The following ESCO2 variants were observed in gnomAD, a reference collection of about 807,000 sequenced individuals.
ESCO2 encodes N-acetyltransferase ESCO2.
A neutral mutation model predicts 61.7 loss-of-function variants in ESCO2; 51 were observed. That is an observed-to-expected ratio of 0.83 (90% CI 0.66 to 1.04). The LOEUF (loss-of-function observed/expected upper bound fraction) is 1.04, where lower values mean the gene tolerates loss of function less well. Among genes scored for constraint, ESCO2 ranks in the 50% least tolerant of loss-of-function variants. The pLI is 0.00. For synonymous variants in ESCO2, 230 were observed against 238.2 expected, an observed-to-expected ratio of 0.97 and a Z score of 0.32; for missense variants, 692 against 686.2, an observed-to-expected ratio of 1.01 and a Z score of -0.09.
At chr8:27,785,284 C>T (rs2128953849) in intron 5 of ESCO2, among the ~76,000 whole-genome samples, 1 of 152,288 alleles carries the variant, frequency 6.6e-6, no homozygotes, top group East Asian at 1.9e-4. Flanking sequence ...CTTATTAGGC[C>T]CCACCTCCCA....
intron 10 of ESCO2, among the ~76,000 whole-genome samples, chr8:27,801,479 T>A (rs761274523): frequency 1.3e-5 from 2 of 152,186 alleles, no homozygotes; most frequent in African/African-American, 2.4e-5. Context: ...TAGGAAAAAT[T>A]GGTATCTTAA....
chr8:27,788,965 G>A lies in ESCO2; in HGVS notation c.1250G>A (p.Gly417Glu). The change falls in exon 7 of 11, where the codon GGA becomes GAA. Residue 417 changes from glycine (G) to glutamate (E), a missense_variant. By Grantham distance (98) the Gly-to-Glu change is moderately conservative (BLOSUM62 -2). Coordinates refer to ENST00000305188, the MANE Select transcript of ESCO2 (RefSeq NM_001017420.3). ...CAGCATCACCACAGGTTTCTGGAAGGAATCAAATATGTGGTGAGCCAAAAC... is the reference window on the plus strand; with the variant it reads ...CAGCATCACCACAGGTTTCTGGAAGAAATCAAATATGTGGTGAGCCAAAAC... ...HVQHHHRFLEGIKYVGWKKER... is the reference protein window; with the variant it reads ...HVQHHHRFLEEIKYVGWKKER... 1 of 1,613,964 alleles carries A rather than the reference G, an allele frequency of 6.2e-7. No homozygotes were observed. Among genetic ancestry groups the A allele is most frequent in the Non-Finnish European group, 8.5e-7 (1 of 1,179,954 alleles).
chr8:27,799,489 G>A (rs1172283514), intron 9 of ESCO2, 52 bp from the exon 10 acceptor site: 2 of 1,582,814 alleles, frequency 1.3e-6, no homozygotes, highest in Middle Eastern at 1.8e-4. Flanking sequence ...TTTTAAAGCA[G>A]TGTGAACTCA....
At chr8:27,819,493 TA>T in the ESCO2 span, among the ~76,000 whole-genome samples, 1 of 152,166 alleles carries the variant, frequency 6.6e-6, no homozygotes, top group African/African-American at 2.4e-5. Context: ...TTTAAATTCC[TA>T]AAAAGTTTGG....
At chr8:27,787,285 A>G (rs563517728) in intron 5 of ESCO2, among the ~76,000 whole-genome samples, 2 of 152,214 alleles carry the variant, frequency 1.3e-5, no homozygotes, top group South Asian at 4.1e-4. Flanking sequence ...CATAATAGGT[A>G]AAGGTTGTCT....
In ESCO2 at chr8:27,775,487, C is replaced by A; in HGVS notation, c.-16-12C>A. On this transcript the variant is annotated splice_polypyrimidine_tract_variant and intron_variant, in intron 1 of 10. Coordinates refer to ENST00000305188, the MANE Select transcript of ESCO2 (RefSeq NM_001017420.3). ...ATATTTTGATGAATGTGGTTATTGT[C>A]ATTTCTTTTAGGAATTCAATAAAGA... The A allele has an allele frequency of 6.2e-7, 1 of 1,606,942 alleles. No homozygotes were observed. Among genetic ancestry groups the A allele is most frequent in the South Asian group, 1.1e-5 (1 of 90,932 alleles).
At chr8:27,772,356 G>A (rs1804657800), upstream of ESCO2, among the ~76,000 whole-genome samples, 1 of 152,232 alleles carries the variant, frequency 6.6e-6, no homozygotes, top group Non-Finnish European at 1.5e-5. Context: ...GCAGCCGTGG[G>A]AGGGACGGAT....
intron 5 of ESCO2, among the ~76,000 whole-genome samples, chr8:27,787,530 T>C (rs537539850): frequency 2.6e-4 from 40 of 152,300 alleles, no homozygotes; most frequent in Admixed American, 5.2e-4. Flanking sequence ...GGGGTAAATA[T>C]TGTCCTAAGA....
chr8:27,818,592 A>T, the ESCO2 span, among the ~76,000 whole-genome samples: 3 of 152,302 alleles, frequency 2.0e-5, no homozygotes, highest in African/African-American at 7.2e-5. Context: ...ATTTCTCAAC[A>T]GTCTCTTCAT....
downstream of ESCO2, among the ~76,000 whole-genome samples, chr8:27,813,860 G>A (rs1462304143): frequency 6.6e-6 from 1 of 152,116 alleles, no homozygotes; most frequent in African/African-American, 2.4e-5. Context: ...CTAATATTTT[G>A]TTAAGGATTT....
Position 27,799,529 on chromosome 8 carries a change from A to G in ESCO2, c.1498-12A>G, listed in dbSNP as rs368906222. The stretch of plus-strand genomic sequence containing the variant: ...TGGTGTTAGCTATAGATGCTTCTGT[A>G]TATCATTGCAGGCATTTCGTGTCCT... On this transcript the variant is annotated splice_polypyrimidine_tract_variant and intron_variant, in intron 9 of 10. Coordinates refer to ENST00000305188, the MANE Select transcript of ESCO2 (RefSeq NM_001017420.3). 6.2e-7 allele frequency: 1 copy of G among 1,613,878 alleles called. No homozygotes were observed. The highest frequency in any genetic ancestry group is 8.5e-7 in the Non-Finnish European group (1 of 1,179,932).
chr8:27,788,324 C>T lies in ESCO2; in HGVS notation c.1131+322C>T, dbSNP rs138429482. On this transcript the variant is annotated intron_variant, in intron 6 of 10. Coordinates refer to ENST00000305188, the MANE Select transcript of ESCO2 (RefSeq NM_001017420.3). ...TTTGCCCTCCCTGTTTGAAATAAGG[C>T]TTTTTCAGGTCTTTAAGGGTTTCAT... Among the ~76,000 whole-genome samples, 1,326 of 152,152 alleles carry T rather than the reference C, an allele frequency of 8.7e-3. 17 individuals are homozygous for T. The highest frequency in any genetic ancestry group is 0.03 in the African/African-American group (1,249 of 41,508).
At chr8:27,816,566 C>T (rs1057181416), downstream of ESCO2, among the ~76,000 whole-genome samples, 3 of 151,298 alleles carry the variant, frequency 2.0e-5, no homozygotes, top group African/African-American at 4.9e-5. Context: ...TTAGTAGAGA[C>T]GGGGTTTCAC....
At chr8:27,779,993 T>G in intron 3 of ESCO2, 181 bp from the exon 4 acceptor site, 1 of 560,050 alleles carries the variant, frequency 1.8e-6, no homozygotes, top group Non-Finnish European at 3.2e-6. Flanking sequence ...TAATGTACGC[T>G]TAGTGAATAC....
At chr8:27,779,628 A>G (rs770075179) in intron 3 of ESCO2, 2 of 152,924 alleles carry the variant, frequency 1.3e-5, no homozygotes, top group Non-Finnish European at 1.5e-5. Context: ...TCTGTCAGGA[A>G]GTATAACACA....
At chr8:27,795,360 A>G (rs187208940) in intron 9 of ESCO2, among the ~76,000 whole-genome samples, 131 of 152,196 alleles carry the variant, frequency 8.6e-4, no homozygotes, top group African/African-American at 3.0e-3. Flanking sequence ...TGACTTTTGT[A>G]TGTTGATTTT....
chr8:27,772,251 G>A (rs1804650294), upstream of ESCO2, among the ~76,000 whole-genome samples: 1 of 152,314 alleles, frequency 6.6e-6, no homozygotes, highest in Admixed American at 6.5e-5. Context: ...ACGTCTTTCC[G>A]ATTAGGGGAC....
chr8:27,809,123 T>C (rs1196370866), downstream of ESCO2, among the ~76,000 whole-genome samples: 2 of 152,158 alleles, frequency 1.3e-5, no homozygotes, highest in African/African-American at 4.8e-5. Flanking sequence ...CTGGAGAAGC[T>C]GCTCTGTTGG....
chr8:27,792,521 G>C, intron 8 of ESCO2, 147 bp from the exon 9 acceptor site: 1 of 839,826 alleles, frequency 1.2e-6, no homozygotes, highest in Non-Finnish European at 1.8e-6. Context: ...CATCAATAGT[G>C]AAATAATTTT....
Sources: allele counts gnomAD v4.1 joint callset (sites outside exome capture counted in the v4.1 genomes callset), GRCh38; gene constraint gnomAD v4.1.1; transcripts MANE v1.5; gene names NCBI Gene and HGNC (gene_info 2026-07-23, HGNC 2026-07-21).